UBE2G2: variants seen among roughly 807,000 people sequenced by gnomAD.
The protein encoded by UBE2G2 is ubiquitin conjugating enzyme E2 G2.
In UBE2G2, 10 loss-of-function variants were observed where a neutral mutation model predicts 23.0. The ratio of observed to expected loss-of-function variants is 0.43; its 90% CI spans 0.27 to 0.74. The LOEUF (loss-of-function observed/expected upper bound fraction) is 0.74. Among genes scored for constraint, UBE2G2 ranks in the 30% least tolerant of loss-of-function variants. UBE2G2 has a pLI of 0.19. For synonymous variants in UBE2G2, 86 were observed against 81.3 expected, an observed-to-expected ratio of 1.06 and a Z score of -0.31; for missense variants, 150 against 218.3, an observed-to-expected ratio of 0.69 and a Z score of 1.97.
intron 1 of UBE2G2, chr21:44,789,234 A>T (rs2146398803): frequency 6.6e-6 from 1 of 152,086 alleles, no homozygotes; most frequent in Middle Eastern, 3.4e-3. Flanking sequence ...AAAATAGAAA[A>T]ATTAGCCGGG....
intron 1 of UBE2G2, among the ~76,000 whole-genome samples, chr21:44,792,123 C>T (rs1032811400): frequency 2.0e-5 from 3 of 152,190 alleles, no homozygotes; most frequent in African/African-American, 7.2e-5. Flanking sequence ...AAGTAACTAA[C>T]TTGCTTTTGA....
At chr21:44,800,546 C>T (rs1370447335) in intron 1 of UBE2G2, 1 of 152,098 alleles carries the variant, frequency 6.6e-6, no homozygotes, top group Non-Finnish European at 1.5e-5. Flanking sequence ...ACCACGCCAC[C>T]TTATAGTAGG....
At chr21:44,793,655 T>A (rs2083063099) in intron 1 of UBE2G2, among the ~76,000 whole-genome samples, 1 of 152,118 alleles carries the variant, frequency 6.6e-6, no homozygotes, top group Non-Finnish European at 1.5e-5. Flanking sequence ...AAGAAACAAG[T>A]TCAAAAAAAG....
chr21:44,801,429 AAAAC>A (rs1465526751), intron 1 of UBE2G2: 3 of 1,232,464 alleles, frequency 2.4e-6, no homozygotes, highest in African/African-American at 1.6e-5. Context: ...AGAAGAGAAA[AAAAC>A]AAGCCCGCAA....
At chr21:44,787,762 T>C (rs139815400) in intron 3 of UBE2G2, among the ~76,000 whole-genome samples, 158 bp downstream of exon 3, 217 of 152,378 alleles carry the variant, frequency 1.4e-3, no homozygotes, top group Admixed American at 2.5e-3. Flanking sequence ...TCAGGTTCTC[T>C]GCTTTCAGAC....
intron 3 of UBE2G2, among the ~76,000 whole-genome samples, chr21:44,786,280 C>T (rs1049769606): frequency 1.3e-5 from 2 of 152,138 alleles, no homozygotes; most frequent in African/African-American, 4.8e-5. Context: ...AGAGCTGCCC[C>T]GATACAAGTA....
At chr21:44,793,352 C>T (rs1407460875) in intron 1 of UBE2G2, among the ~76,000 whole-genome samples, 1 of 152,200 alleles carries the variant, frequency 6.6e-6, no homozygotes, top group Non-Finnish European at 1.5e-5. Context: ...CCCTTTGGCA[C>T]TCCCCTGCGT....
Position 44,787,780 on chromosome 21 carries a change from C to T in UBE2G2, c.125+140G>A, listed in dbSNP as rs888759607. 3 of 888,950 alleles carry T rather than the reference C, an allele frequency of 3.4e-6. No homozygotes were observed. In the African/African-American group the frequency reaches 5.1e-5, roughly 15 times the overall value. 55.1% of individuals were successfully genotyped at this position (888,950 alleles called of 1,614,324 possible). ...GGTTCTCTGCTTTCAGACCAGCAGC[C>T]TAGACGAGAGCTGGGCATTACTGGA... On this transcript the variant is annotated intron_variant, in intron 3 of 5. Coordinates refer to ENST00000345496, the MANE Select transcript of UBE2G2 (RefSeq NM_003343.6).
At chr21:44,799,439 G>T (rs1219511772) in intron 1 of UBE2G2, among the ~76,000 whole-genome samples, 1 of 152,150 alleles carries the variant, frequency 6.6e-6, no homozygotes, top group Non-Finnish European at 1.5e-5. Context: ...CTTGATCTTA[G>T]CTAGATCTTC....
At chr21:44,773,268 T>C (rs944501738) in intron 5 of UBE2G2, among the ~76,000 whole-genome samples, 1 of 152,134 alleles carries the variant, frequency 6.6e-6, no homozygotes, top group African/African-American at 2.4e-5. Context: ...GTGTGTGGCA[T>C]GTAGTGGGTC....
intron 1 of UBE2G2, chr21:44,801,452 CTGTG>C: frequency 8.3e-7 from 1 of 1,202,146 alleles, no homozygotes; most frequent in South Asian, 2.6e-5. Context: ...AAAGACTCAA[CTGTG>C]TGTGCTCTCA....
At chr21:44,777,253 C>A (rs1555960700) in intron 4 of UBE2G2, 46 bp downstream of exon 4, 2 of 1,484,752 alleles carry the variant, frequency 1.3e-6, no homozygotes, top group Admixed American at 1.7e-5. Flanking sequence ...AATATTATCT[C>A]CGTACCTATC....
chr21:44,783,446 C>T (rs2082971590), intron 3 of UBE2G2, among the ~76,000 whole-genome samples: 1 of 152,240 alleles, frequency 6.6e-6, no homozygotes, highest in African/African-American at 2.4e-5. Context: ...CATGTCCACA[C>T]AGACAGTGTG....
intron 1 of UBE2G2, among the ~76,000 whole-genome samples, chr21:44,795,234 G>C (rs1397493539): frequency 6.6e-6 from 1 of 152,034 alleles, no homozygotes; most frequent in Non-Finnish European, 1.5e-5. Flanking sequence ...CTGCACTCCA[G>C]CCTGGATGAC....
At chr21:44,795,631 CAA>C in intron 1 of UBE2G2, among the ~76,000 whole-genome samples, 1 of 122,724 alleles carries the variant, frequency 8.1e-6, no homozygotes, top group Non-Finnish European at 1.7e-5. Context: ...GAACCTGTCT[CAA>C]AAAAAAAAAG....
At position 44,772,687 on chromosome 21, in the gene UBE2G2, C is replaced by T. The variant is rs1037585597; in HGVS notation, c.385+860G>A. Among the ~76,000 whole-genome samples, 1 of 152,020 alleles carries T rather than the reference C, an allele frequency of 6.6e-6. No homozygotes were observed. The highest frequency in any genetic ancestry group is 1.5e-5 in the Non-Finnish European group (1 of 68,032). ...ATCCTGCTGTCTCCTGAACCCAGAG[C>T]AGCACCTCTGGTAGACAAAGAACCA... On this transcript the variant is annotated intron_variant, in intron 5 of 5. Coordinates refer to ENST00000345496, the MANE Select transcript of UBE2G2 (RefSeq NM_003343.6). This position sits in a 1 kb window ranked among gnomAD's most constrained non-coding sequence, Gnocchi z 5.4.
intron 1 of UBE2G2, among the ~76,000 whole-genome samples, chr21:44,794,023 A>G (rs1184570427): frequency 2.3e-5 from 3 of 129,062 alleles, no homozygotes; most frequent in Non-Finnish European, 4.8e-5. Context: ...AAGGTGGAGA[A>G]AAGTGTGTGA....
intron 1 of UBE2G2, among the ~76,000 whole-genome samples, chr21:44,796,845 G>A (rs547876887): frequency 6.6e-6 from 1 of 152,300 alleles, no homozygotes; most frequent in East Asian, 1.9e-4. Flanking sequence ...TCTTGAGGCT[G>A]CCCGCCTTCC....
At chr21:44,773,181 A>T (rs1272010451) in intron 5 of UBE2G2, among the ~76,000 whole-genome samples, 2 of 152,088 alleles carry the variant, frequency 1.3e-5, no homozygotes, top group Admixed American at 1.3e-4. Context: ...AACTGCTGGT[A>T]GGCTTGGACA....
Sources: gnomAD v4.1 joint callset for allele counts (sites outside exome capture counted in the v4.1 genomes callset) on GRCh38, gnomAD v4.1.1 for gene constraint, Gnocchi (gnomAD v3.1) non-coding constraint, MANE v1.5 for transcripts, NCBI Gene and HGNC (gene_info 2026-07-23, HGNC 2026-07-21) for gene names.